Variants in ATL1 observed in about 807,000 individuals in gnomAD.
The protein encoded by ATL1 is atlastin GTPase 1.
A neutral mutation model predicts 75.5 loss-of-function variants in ATL1; 31 were observed. The ratio of observed to expected loss-of-function variants is 0.41; its 90% CI spans 0.31 to 0.55. ATL1 has a LOEUF of 0.55. ATL1 is among the 20% of genes least tolerant of loss of function. ATL1 has a pLI of 0.27. For missense variants in ATL1, 405 were observed against 662.6 expected (o/e 0.61, Z 4.27); for synonymous variants, 226 against 233.3 (o/e 0.97, Z 0.28).
At chr14:50,566,371 T>C (rs1478862028) in intron 1 of ATL1, among the ~76,000 whole-genome samples, 1 of 152,124 alleles carries the variant, frequency 6.6e-6, no homozygotes, top group Admixed American at 6.6e-5. Flanking sequence ...TCTTGATAAT[T>C]TTTACAGTTT....
At chr14:50,567,143 G>T (rs1365762579) in intron 1 of ATL1, among the ~76,000 whole-genome samples, 1 of 152,056 alleles carries the variant, frequency 6.6e-6, no homozygotes, top group Admixed American at 6.6e-5. Flanking sequence ...CCTCCTCATG[G>T]CTACTAGCAG....
At chr14:50,574,971 A>ATATATATATATATATATATC (rs1234160143) in intron 1 of ATL1, among the ~76,000 whole-genome samples, 3 of 129,592 alleles carry the variant, frequency 2.3e-5, no homozygotes, top group Admixed American at 7.9e-5. Context: ...ATATATATAT[A>ATATATATATATATATATATC]TATATTAGCT....
At chr14:50,618,560 T>TTG (rs1373610550) in intron 8 of ATL1, among the ~76,000 whole-genome samples, 2 of 152,154 alleles carry the variant, frequency 1.3e-5, no homozygotes, top group Non-Finnish European at 2.9e-5. Flanking sequence ...AGCATCATGC[T>TTG]TGTGTGTGTT....
chr14:50,591,479 C>A (rs2039157557), intron 3 of ATL1, 56 bp from the exon 4 acceptor site: 3 of 1,147,608 alleles, frequency 2.6e-6, no homozygotes, highest in African/African-American at 1.5e-5. Context: ...ATTATGGTAA[C>A]CCTAATGACC....
At chr14:50,585,483 A>G (rs1184319466) in intron 1 of ATL1, among the ~76,000 whole-genome samples, 1 of 152,178 alleles carries the variant, frequency 6.6e-6, no homozygotes, top group African/African-American at 2.4e-5. Flanking sequence ...TAAAATATGT[A>G]TTTGCTATTC....
upstream of ATL1, chr14:50,559,388 G>C (rs2038805189): frequency 6.6e-6 from 1 of 152,250 alleles, no homozygotes; most frequent in African/African-American, 2.4e-5. Context: ...GTTTGTAGCA[G>C]AGAGAAAGCA....
intron 1 of ATL1, chr14:50,572,110 T>G: frequency 2.1e-6 from 1 of 477,100 alleles, no homozygotes; most frequent in South Asian, 1.7e-5. Flanking sequence ...TCCATAAATT[T>G]TTTTAAATCC....
chr14:50,540,311 G>A (rs1403196061), intron 1 of ATL1, among the ~76,000 whole-genome samples: 1 of 152,182 alleles, frequency 6.6e-6, no homozygotes, highest in Non-Finnish European at 1.5e-5. Context: ...ACATATGTAG[G>A]TGGAAAAATC....
At chr14:50,608,344 C>T (rs1017215722) in intron 6 of ATL1, among the ~76,000 whole-genome samples, 4 of 151,878 alleles carry the variant, frequency 2.6e-5, no homozygotes, top group African/African-American at 9.7e-5. Context: ...ATTGCTCATC[C>T]CCATTCATGA....
intron 1 of ATL1, among the ~76,000 whole-genome samples, chr14:50,583,895 G>A (rs2032268351): frequency 6.6e-6 from 1 of 152,152 alleles, no homozygotes; most frequent in Non-Finnish European, 1.5e-5. Flanking sequence ...GTGGGGGTGT[G>A]TGTTTGTGTA....
intron 1 of ATL1, among the ~76,000 whole-genome samples, chr14:50,573,558 T>C (rs956545546): frequency 2.6e-4 from 39 of 152,320 alleles, no homozygotes; most frequent in African/African-American, 8.7e-4. Flanking sequence ...GCATTTTTAA[T>C]TTTTATAAAT....
intron 1 of ATL1, among the ~76,000 whole-genome samples, chr14:50,563,257 T>A (rs2038869151): frequency 6.6e-6 from 1 of 152,232 alleles, no homozygotes; most frequent in Admixed American, 6.5e-5. Flanking sequence ...GTGAAAGTCA[T>A]GTATTTGGTA....
intron 1 of ATL1, among the ~76,000 whole-genome samples, chr14:50,537,431 G>A (rs2038508469): frequency 6.6e-6 from 1 of 152,224 alleles, no homozygotes; most frequent in Non-Finnish European, 1.5e-5. Context: ...AGGGAAATGT[G>A]GGGTCAGAGC....
At chr14:50,560,423 C>T in intron 1 of ATL1, 124 bp downstream of exon 1, 2 of 1,301,136 alleles carry the variant, frequency 1.5e-6, no homozygotes, top group East Asian at 2.5e-5. Context: ...GGGAGACGGG[C>T]CGTAGCCGAG....
At chr14:50,600,769 G>A (rs770131319) in intron 6 of ATL1, among the ~76,000 whole-genome samples, 11 of 152,022 alleles carry the variant, frequency 7.2e-5, no homozygotes, top group Non-Finnish European at 1.2e-4. Flanking sequence ...GAGAAAGTAA[G>A]GTGAGGGATA....
In ATL1 at chr14:50,613,294, A is replaced by G; in HGVS notation, c.666A>G (p.Pro222=). 1.2e-6 allele frequency: 2 copies of G among 1,613,396 alleles called. No homozygotes were observed. Among genetic ancestry groups the G allele is most frequent in the Non-Finnish European group, 1.7e-6 (2 of 1,179,682 alleles). The change falls in exon 7 of 14, where the codon CCA becomes CCG. Residue 222 remains proline (P), a synonymous_variant. Transcript: ENST00000358385. ...TTCTTGTTCGAGACTGGAGTTTCCC[A>G]TACGAATTTTCATATGGAGCCGATG... ...LIFLVRDWSF[P]YEFSYGADGG...
chr14:50,564,647 CAAAAAAAAAAAAAA>C (rs60054322), intron 1 of ATL1, among the ~76,000 whole-genome samples: 2 of 40,004 alleles, frequency 5.0e-5, no homozygotes, highest in Non-Finnish European at 8.3e-5. Flanking sequence ...GATTCCGTCT[CAAAAAAAAAAAAAA>C]AAAAAAAAAA....
intron 1 of ATL1, 60 bp from the exon 2 acceptor site, chr14:50,587,771 A>G (rs892309522): frequency 3.0e-5 from 48 of 1,610,006 alleles, no homozygotes; most frequent in Middle Eastern, 3.3e-4. Flanking sequence ...TAAGAGGTAC[A>G]TATACATTTC....
intron 1 of ATL1, among the ~76,000 whole-genome samples, chr14:50,535,230 C>G (rs1011990752): frequency 6.6e-6 from 1 of 152,104 alleles, no homozygotes; most frequent in Non-Finnish European, 1.5e-5. Context: ...AATCTGTGGC[C>G]TCTAATTTCA....
Sources: gnomAD v4.1 joint callset for allele counts (sites outside exome capture counted in the v4.1 genomes callset) on GRCh38, gnomAD v4.1.1 for gene constraint, MANE v1.5 for transcripts, NCBI Gene and HGNC (gene_info 2026-07-23, HGNC 2026-07-21) for gene names.